The following TMEM135 variants were observed in gnomAD, a reference collection of about 807,000 sequenced individuals.
The protein encoded by TMEM135 is peroxisomal membrane protein 52.
In TMEM135, 30 loss-of-function variants were observed where a neutral mutation model predicts 60.3. The ratio of observed to expected loss-of-function variants is 0.50; its 90% CI spans 0.37 to 0.68. The LOEUF is 0.68. Ranked by LOEUF, TMEM135 falls within the 30% of genes least tolerant of loss-of-function variation. TMEM135 has a pLI of 0.00. For missense variants in TMEM135, 468 were observed against 548.8 expected, an observed-to-expected ratio of 0.85 and a Z score of 1.47; for synonymous variants, 190 against 186.7, an observed-to-expected ratio of 1.02 and a Z score of -0.14.
In TMEM135 at chr11:87,251,438, C is replaced by T. The variant is rs541380683; in HGVS notation, c.509+14754C>T. Among the ~76,000 whole-genome samples, 12 of 152,096 alleles carry T rather than the reference C, an allele frequency of 7.9e-5. No individual in the cohort carries two copies. The East Asian group carries it at 1.7e-3, about 22-fold the overall frequency. On this transcript the variant is annotated intron_variant, in intron 6 of 14. Coordinates refer to ENST00000305494, the MANE Select transcript of TMEM135 (RefSeq NM_022918.4). ...GTCACACTAGCTGTCTGACTTTAGACGAATTACATAACTTTGCTACACCTC... is the reference window on the plus strand; with the variant it reads ...GTCACACTAGCTGTCTGACTTTAGATGAATTACATAACTTTGCTACACCTC...
chr11:87,201,946 A>ATT (rs1348553637), intron 5 of TMEM135, among the ~76,000 whole-genome samples: 1 of 122,132 alleles, frequency 8.2e-6, no homozygotes, highest in Non-Finnish European at 1.9e-5. Context: ...TTTGGTATTT[A>ATT]TTTTTTATGT....
chr11:87,079,186 A>G (rs1230240323), intron 3 of TMEM135, among the ~76,000 whole-genome samples: 3 of 151,828 alleles, frequency 2.0e-5, no homozygotes, highest in East Asian at 3.9e-4. Flanking sequence ...TTGTATTTCT[A>G]GTATTGATGG....
intron 5 of TMEM135, among the ~76,000 whole-genome samples, chr11:87,235,827 G>C (rs1440623821): frequency 6.6e-6 from 1 of 151,830 alleles, no homozygotes; most frequent in African/African-American, 2.4e-5. Flanking sequence ...ATCTTAATAT[G>C]TTGTGTTTAC....
At chr11:87,113,739 C>CTTTG (rs5793236) in intron 4 of TMEM135, among the ~76,000 whole-genome samples, 82,593 of 151,260 alleles carry the variant, frequency 0.55, 23,346 homozygotes, top group East Asian at 0.7. Context: ...TATTTCAGGA[C>CTTTG]TTTGGTCACT....
intron 6 of TMEM135, among the ~76,000 whole-genome samples, chr11:87,240,740 T>A (rs470686): frequency 0.66 from 99,774 of 151,608 alleles, 33,392 homozygotes; most frequent in Non-Finnish European, 0.71. Flanking sequence ...GAAGTAGTTT[T>A]GCATAATTTT....
chr11:87,147,190 G>A (rs899422614), intron 4 of TMEM135, among the ~76,000 whole-genome samples: 10 of 152,150 alleles, frequency 6.6e-5, no homozygotes, highest in African/African-American at 2.2e-4. Flanking sequence ...TGGCATGGTG[G>A]CGTGTGCCTG....
rs758969471 is a variant in TMEM135, at chr11:87,325,862, T to G, written c.*4529T>G. 2.2e-6 allele frequency: 1 copy of G among 454,046 alleles called. No homozygotes were observed. Among genetic ancestry groups the G allele is most frequent in the South Asian group, 1.6e-5 (1 of 64,472 alleles). The allele number at this position is 454,046 out of a possible 1,614,324, so 28.1% of individuals were successfully genotyped here. A position where few individuals can be genotyped will look rare whatever the true frequency, so the allele number is the denominator to read the frequency against. On this transcript the variant is annotated 3_prime_UTR_variant, in exon 15 of 15. Coordinates refer to ENST00000305494, the MANE Select transcript of TMEM135 (RefSeq NM_022918.4). ...CGTAACATCACTTGACTCTGGAATT[T>G]CCTATTTTCTTTTACTTTCTCCATT...
intron 4 of TMEM135, among the ~76,000 whole-genome samples, chr11:87,110,784 G>GTT (rs1857723510): frequency 6.6e-6 from 1 of 152,066 alleles, no homozygotes; most frequent in Non-Finnish European, 1.5e-5. Flanking sequence ...GTGTGTGTGT[G>GTT]TGTGTGATGA....
chr11:87,060,399 T>C (rs758183334), intron 1 of TMEM135, among the ~76,000 whole-genome samples: 10 of 152,212 alleles, frequency 6.6e-5, no homozygotes, highest in Non-Finnish European at 1.2e-4. Flanking sequence ...ATCTTAGTTG[T>C]AGTTTCCCTA....
intron 4 of TMEM135, among the ~76,000 whole-genome samples, chr11:87,097,261 T>C (rs906484202): frequency 6.6e-6 from 1 of 152,132 alleles, no homozygotes; most frequent in African/African-American, 2.4e-5. Flanking sequence ...CCTCCCAAAG[T>C]GCTGGGATTA....
intron 4 of TMEM135, among the ~76,000 whole-genome samples, chr11:87,127,863 T>C (rs1235500412): frequency 7.8e-6 from 1 of 127,734 alleles, no homozygotes; most frequent in Non-Finnish European, 1.7e-5. Context: ...TTAATGTAAA[T>C]ATTTGTTATT....
intron 4 of TMEM135, among the ~76,000 whole-genome samples, chr11:87,133,659 T>C (rs1938002316): frequency 6.6e-6 from 1 of 152,172 alleles, no homozygotes; most frequent in Non-Finnish European, 1.5e-5. Context: ...CCCATTACTC[T>C]ACAAATTTAT....
chr11:87,313,341 T>A, intron 10 of TMEM135, 84 bp from the exon 11 acceptor site: 1 of 1,159,302 alleles, frequency 8.6e-7, no homozygotes. Context: ...ATCTGATGAA[T>A]TTATTCATTA....
intron 5 of TMEM135, among the ~76,000 whole-genome samples, chr11:87,197,223 A>C (rs1211717511): frequency 1.3e-5 from 2 of 152,086 alleles, no homozygotes; most frequent in African/African-American, 2.4e-5. Context: ...TTTTGTACAT[A>C]ATTCTATTAT....
chr11:87,250,614 C>T (rs1319484736), intron 6 of TMEM135, among the ~76,000 whole-genome samples: 1 of 151,832 alleles, frequency 6.6e-6, no homozygotes, highest in Non-Finnish European at 1.5e-5. Context: ...AATTTTTTTC[C>T]GTTCTGGTCA....
At chr11:87,146,472 C>A (rs1434576071) in intron 4 of TMEM135, among the ~76,000 whole-genome samples, 3 of 152,066 alleles carry the variant, frequency 2.0e-5, no homozygotes, top group Non-Finnish European at 4.4e-5. Context: ...ATAAAACTGG[C>A]CTTAAGCGAT....
At chr11:87,173,754 A>G (rs1591077461) in intron 5 of TMEM135, among the ~76,000 whole-genome samples, 1 of 152,194 alleles carries the variant, frequency 6.6e-6, no homozygotes, top group Admixed American at 6.5e-5. Context: ...GTAGTTGATA[A>G]TAAAAGACAG....
At chr11:87,239,578 T>C (rs1161039199) in intron 6 of TMEM135, among the ~76,000 whole-genome samples, 1 of 152,038 alleles carries the variant, frequency 6.6e-6, no homozygotes. Flanking sequence ...TGAAGTTGGA[T>C]AGTCAAATGA....
chr11:87,096,774 A>G (rs1269621532), intron 4 of TMEM135, among the ~76,000 whole-genome samples: 2 of 152,226 alleles, frequency 1.3e-5, no homozygotes, highest in Admixed American at 6.5e-5. Flanking sequence ...TAAGAGTCAG[A>G]TCTTCTGCTT....
Sources: allele counts gnomAD v4.1 joint callset (sites outside exome capture counted in the v4.1 genomes callset), GRCh38; gene constraint gnomAD v4.1.1; transcripts MANE v1.5; gene names NCBI Gene and HGNC (gene_info 2026-07-23, HGNC 2026-07-21).